Variants in JMJD1C observed in about 807,000 individuals in gnomAD.
JMJD1C encodes the protein jumonji domain-containing protein 1C.
In JMJD1C, 31 loss-of-function variants were observed where a neutral mutation model predicts 245.3. The ratio of observed to expected loss-of-function variants is 0.13; its 90% CI spans 0.09 to 0.17. The LOEUF is 0.17. Among genes scored for constraint, JMJD1C ranks in the 10% least tolerant of loss-of-function variants. JMJD1C has a pLI of 1.00. For synonymous variants in JMJD1C, 1,057 were observed against 1,017.4 expected, an observed-to-expected ratio of 1.04 and a Z score of -0.74; for missense variants, 2,691 against 3,000.2, an observed-to-expected ratio of 0.90 and a Z score of 2.41.
chr10:63,169,406 ACAT>A (rs1842142974), intron 24 of JMJD1C, among the ~76,000 whole-genome samples: 1 of 152,210 alleles, frequency 6.6e-6, no homozygotes, highest in South Asian at 2.1e-4. Context: ...ATATTAAAAA[ACAT>A]CATAAAAATT....
intron 18 of JMJD1C, among the ~76,000 whole-genome samples, chr10:63,186,761 C>T (rs1240379928): frequency 1.3e-5 from 2 of 152,104 alleles, no homozygotes; most frequent in African/African-American, 2.4e-5. Flanking sequence ...TCTAAAACTA[C>T]AATAAATGAT....
intron 3 of JMJD1C, among the ~76,000 whole-genome samples, chr10:63,248,572 G>A (rs933787452): frequency 1.7e-5 from 2 of 114,998 alleles, no homozygotes; most frequent in African/African-American, 6.4e-5. Context: ...ATAAATGACA[G>A]GGAATAATGA....
At chr10:63,386,183 C>A (rs1947576046) in intron 1 of JMJD1C, among the ~76,000 whole-genome samples, 1 of 152,104 alleles carries the variant, frequency 6.6e-6, no homozygotes, top group African/African-American at 2.4e-5. Context: ...CGGACCCCAC[C>A]CTCCCTAGCA....
chr10:63,268,598 T>A (rs527370270), intron 2 of JMJD1C: 1 of 594,522 alleles, frequency 1.7e-6, no homozygotes, highest in African/African-American at 2.0e-5. Context: ...TTTCTCAGGC[T>A]GAGAAGAAAA....
chr10:63,427,437 C>A, intron 1 of JMJD1C: 1 of 1,143,038 alleles, frequency 8.7e-7, no homozygotes, highest in Non-Finnish European at 1.3e-6. Context: ...TGACTGCTGA[C>A]CAGAAACTGC....
chr10:63,439,801 CAT>C (rs1260071122), intron 1 of JMJD1C, among the ~76,000 whole-genome samples: 1 of 152,168 alleles, frequency 6.6e-6, no homozygotes, highest in Admixed American at 6.5e-5. Flanking sequence ...ACTTCACTGA[CAT>C]ATATACTGCA....
chr10:63,241,295 A>G (rs1851454597), intron 3 of JMJD1C, among the ~76,000 whole-genome samples: 1 of 152,306 alleles, frequency 6.6e-6, no homozygotes, highest in African/African-American at 2.4e-5. Context: ...TGTGAAGTCA[A>G]AAAGTCCTAA....
chr10:63,220,683 C>CT (rs1389080771), intron 3 of JMJD1C, among the ~76,000 whole-genome samples: 2 of 152,178 alleles, frequency 1.3e-5, no homozygotes, highest in African/African-American at 4.8e-5. Context: ...CCACTGGACT[C>CT]TGATATTCTG....
chr10:63,344,961 GT>G (rs1440572237), intron 2 of JMJD1C, among the ~76,000 whole-genome samples: 1 of 152,154 alleles, frequency 6.6e-6, no homozygotes, highest in African/African-American at 2.4e-5. Context: ...CTGGAAAATA[GT>G]TTGGCAGCTG....
At chr10:63,482,315 T>C (rs1006620821) in intron 1 of JMJD1C, among the ~76,000 whole-genome samples, 10 of 152,184 alleles carry the variant, frequency 6.6e-5, no homozygotes, top group African/African-American at 2.4e-4. Flanking sequence ...TAAATGTCAG[T>C]ATAATATTTT....
intron 1 of JMJD1C, among the ~76,000 whole-genome samples, chr10:63,431,254 A>G (rs1374317674): frequency 6.6e-6 from 1 of 152,218 alleles, no homozygotes. Flanking sequence ...TTGGAGGGCA[A>G]CCATCTCATT....
chr10:63,289,674 C>G (rs1199806267), intron 2 of JMJD1C, among the ~76,000 whole-genome samples: 3 of 152,086 alleles, frequency 2.0e-5, no homozygotes, highest in African/African-American at 4.8e-5. Context: ...TACCTTAATG[C>G]TAAAATAAAC....
chr10:63,466,149 G>A (rs928160785), upstream of JMJD1C: 1 of 188,338 alleles, frequency 5.3e-6, no homozygotes, highest in South Asian at 1.0e-4. Context: ...AGGCGGCGGC[G>A]GCGGCGGCAG....
chr10:63,202,845 A>G (rs1374428492), intron 10 of JMJD1C: 1 of 980,990 alleles, frequency 1.0e-6, no homozygotes, highest in African/African-American at 1.7e-5. Flanking sequence ...TACTGCTGAT[A>G]AATTTTTATT....
intron 1 of JMJD1C, among the ~76,000 whole-genome samples, chr10:63,485,269 G>A (rs754001554): frequency 2.6e-5 from 4 of 152,076 alleles, no homozygotes; most frequent in African/African-American, 9.7e-5. Context: ...AAACACAGAT[G>A]AGAGTATCTA....
intron 24 of JMJD1C, among the ~76,000 whole-genome samples, chr10:63,174,748 C>T (rs7899276): frequency 0.086 from 13,014 of 151,990 alleles, 1,690 homozygotes; most frequent in African/African-American, 0.28. Flanking sequence ...GCAGGAGAAT[C>T]GCTTGAACCC....
chr10:63,456,064 G>A lies in JMJD1C; in HGVS notation c.168+9431C>T, dbSNP rs542722548. 5.3e-5 allele frequency among the ~76,000 whole-genome samples: 8 copies of A among 151,910 alleles called. No homozygotes were observed. In the South Asian group the frequency reaches 8.3e-4, roughly 16 times the overall value. On this transcript the variant is annotated intron_variant, in intron 1 of 25. Transcript: ENST00000399262. ...GTATATGTTTGTATAGTTCAAAACC[G>A]TTACGGAAAGGTGAAATACATATAG...
At chr10:63,497,545 G>A (rs1247458202) in intron 1 of JMJD1C, among the ~76,000 whole-genome samples, 1 of 152,174 alleles carries the variant, frequency 6.6e-6, no homozygotes, top group Non-Finnish European at 1.5e-5. Context: ...CAGGGCTGAT[G>A]AAGAATTTCA....
chr10:63,391,315 C>A (rs1466151465), intron 1 of JMJD1C, among the ~76,000 whole-genome samples: 1 of 152,044 alleles, frequency 6.6e-6, no homozygotes, highest in African/African-American at 2.4e-5. Context: ...TGGAAACCAT[C>A]CTGGCTAACA....
Sources: allele counts gnomAD v4.1 joint callset (sites outside exome capture counted in the v4.1 genomes callset), GRCh38; gene constraint gnomAD v4.1.1; transcripts MANE v1.5; gene names NCBI Gene and HGNC (gene_info 2026-07-23, HGNC 2026-07-21).